SETD5: variants seen among roughly 807,000 people sequenced by gnomAD.
SETD5 encodes the protein SET domain containing 5, also known as histone-lysine N-methyltransferase SETD5.
SETD5 carries 44 observed loss-of-function variants against 153.3 expected under a neutral mutation model. The ratio of observed to expected loss-of-function variants is 0.29; its 90% CI spans 0.23 to 0.37. SETD5 has a LOEUF of 0.37. SETD5 is among the 10% of genes least tolerant of loss of function. SETD5 has a pLI of 1.00. For synonymous variants in SETD5, 716 were observed against 645.2 expected (o/e 1.11, Z -1.66); for missense variants, 1,544 against 1,768.0 (o/e 0.87, Z 2.27).
intron 1 of SETD5, among the ~76,000 whole-genome samples, chr3:9,421,649 A>T (rs1049924018): frequency 2.0e-5 from 3 of 152,232 alleles, no homozygotes; most frequent in African/African-American, 7.2e-5. Flanking sequence ...GAAGAAATTC[A>T]GCCTATATGT....
chr3:9,475,918 T>G lies in SETD5; in HGVS notation c.4156T>G (p.Leu1386Val). 6.2e-7 allele frequency: 1 copy of G among 1,614,034 alleles called. No homozygotes were observed. Among genetic ancestry groups the G allele is most frequent in the Non-Finnish European group, 8.5e-7 (1 of 1,179,900 alleles). Residue 1386 changes from leucine to valine, a missense_variant, in exon 23 of 23, where the codon TTA (leucine) becomes GTA (valine). Physicochemically the swap from Leu to Val is conservative, Grantham distance 32. Transcript: ENST00000402198. ...QNSRSSLPSDLRTISLPSAGQ... is the reference protein window; with the variant it reads ...QNSRSSLPSDVRTISLPSAGQ... ...CTCTAGGTCGTCATTGCCATCAGAC[T>G]TACGGACTATCAGTCTGCCCAGTGC...
At chr3:9,468,364 C>T (rs1170323059) in intron 18 of SETD5, among the ~76,000 whole-genome samples, 1 of 152,140 alleles carries the variant, frequency 6.6e-6, no homozygotes, top group East Asian at 1.9e-4. Context: ...GAGATGAGTT[C>T]TGCAGTTAAA....
chr3:9,442,051 T>C, intron 9 of SETD5, 77 bp from the exon 10 acceptor site: 2 of 963,542 alleles, frequency 2.1e-6, no homozygotes. Flanking sequence ...TCTCTCAGCA[T>C]ATGCTTCATA....
intron 3 of SETD5, chr3:9,433,580 AT>A: frequency 7.7e-7 from 1 of 1,292,058 alleles, no homozygotes; most frequent in Non-Finnish European, 1.0e-6. Context: ...TGTGTTTGTC[AT>A]TAGGGACACC....
chr3:9,470,083 T>C (rs961434457), intron 18 of SETD5, among the ~76,000 whole-genome samples: 2 of 152,206 alleles, frequency 1.3e-5, no homozygotes, highest in Non-Finnish European at 1.5e-5. Context: ...CTCATCTTTG[T>C]TTTGTGCATG....
intron 13 of SETD5, among the ~76,000 whole-genome samples, chr3:9,445,971 T>TG (rs977730786): frequency 6.9e-6 from 1 of 145,974 alleles, no homozygotes; most frequent in Non-Finnish European, 1.5e-5. Context: ...GGTTGTTTTT[T>TG]TTTTTTTTTT....
At chr3:9,418,774 G>A (rs374093434) in intron 1 of SETD5, among the ~76,000 whole-genome samples, 4 of 150,978 alleles carry the variant, frequency 2.6e-5, no homozygotes, top group Admixed American at 2.0e-4. Context: ...TTGCACTCCA[G>A]CCTGAGCAAC....
rs770420799 is a variant in SETD5 at position 9,434,922 on chromosome 3, A to G, written c.388+40A>G. On this transcript the variant is annotated intron_variant, in intron 6 of 22. Transcript: ENST00000402198. The surrounding 1 kb of genome is among the most constrained non-coding windows in gnomAD (Gnocchi z 5.6). ...GGTTAGGTCCACAATTTGACATAAAAATATTCTGTGATCTGAATGTTCATT... is the reference window on the plus strand; with the variant it reads ...GGTTAGGTCCACAATTTGACATAAAGATATTCTGTGATCTGAATGTTCATT... 3 of 1,599,822 alleles carry G rather than the reference A, an allele frequency of 1.9e-6. No homozygotes were observed. In the East Asian group the frequency reaches 6.7e-5, roughly 36 times the overall value.
intron 3 of SETD5, among the ~76,000 whole-genome samples, chr3:9,433,056 T>C (rs2125083315): frequency 6.6e-6 from 1 of 152,328 alleles, no homozygotes; most frequent in East Asian, 1.9e-4. Context: ...GTATATACCA[T>C]GTTTAGTGGT....
At chr3:9,425,819 T>A (rs1196304521) in intron 2 of SETD5, among the ~76,000 whole-genome samples, 1 of 152,180 alleles carries the variant, frequency 6.6e-6, no homozygotes, top group Non-Finnish European at 1.5e-5. Context: ...TCGTAATGGC[T>A]ACAACAAAGG....
At chr3:9,443,987 G>A (rs553972450) in intron 11 of SETD5, among the ~76,000 whole-genome samples, 22 of 152,300 alleles carry the variant, frequency 1.4e-4, no homozygotes, top group Non-Finnish European at 2.4e-4. Context: ...ACTCGAACCT[G>A]AGAGGCTGAG....
chr3:9,463,117 T>C (rs1031216952), intron 17 of SETD5, among the ~76,000 whole-genome samples: 4 of 152,202 alleles, frequency 2.6e-5, no homozygotes, highest in African/African-American at 9.6e-5. Context: ...CCTCCTGGGT[T>C]CAAGTGATTC....
intron 2 of SETD5, among the ~76,000 whole-genome samples, chr3:9,427,056 T>G (rs2039360228): frequency 6.6e-6 from 1 of 152,106 alleles, no homozygotes; most frequent in Non-Finnish European, 1.5e-5. Context: ...TGATATTTTT[T>G]TACTATTTTT....
At chr3:9,419,233 A>C (rs112072713) in intron 1 of SETD5, among the ~76,000 whole-genome samples, 21 of 152,342 alleles carry the variant, frequency 1.4e-4, no homozygotes, top group African/African-American at 4.8e-4. Context: ...ACTTTGGATA[A>C]AATAAACCTC....
chr3:9,408,635 A>G (rs2036090986), intron 1 of SETD5, among the ~76,000 whole-genome samples: 1 of 152,186 alleles, frequency 6.6e-6, no homozygotes, highest in Admixed American at 6.5e-5. Context: ...CCTGTATTTC[A>G]TGTAAATTAC....
At chr3:9,433,735 TA>T in intron 3 of SETD5, 109 bp from the exon 4 acceptor site, 1 of 1,111,624 alleles carries the variant, frequency 9.0e-7, no homozygotes, top group Non-Finnish European at 1.3e-6. Flanking sequence ...TCTCTTATCC[TA>T]GTGGCTAGTG....
At chr3:9,398,493 C>G (rs1179065339) in intron 1 of SETD5, 3 of 152,356 alleles carry the variant, frequency 2.0e-5, no homozygotes, top group African/African-American at 7.2e-5. Context: ...GGCTTCCCAC[C>G]TCAGATGGCT....
In SETD5 at chr3:9,475,477, GT is replaced by G; in HGVS notation, c.3721-5del. The G allele has an allele frequency of 6.2e-7, 1 of 1,602,222 alleles. No homozygotes were observed. The highest frequency in any genetic ancestry group is 8.5e-7 in the Non-Finnish European group (1 of 1,171,058). On this transcript the variant is annotated splice_polypyrimidine_tract_variant and splice_region_variant and intron_variant, in intron 22 of 22. Transcript: ENST00000402198. ...TCCTTATTCGTTTCCTCCCAACTTT[GT>G]CTAGCTCCTGCAGTGTGATAGTCCT...
At chr3:9,452,970 T>G (rs2042801809) in intron 16 of SETD5, among the ~76,000 whole-genome samples, 1 of 152,162 alleles carries the variant, frequency 6.6e-6, no homozygotes, top group Admixed American at 6.5e-5. Flanking sequence ...TTTTCTGTCT[T>G]CCACAGGATA....
Sources: allele counts gnomAD v4.1 joint callset (sites outside exome capture counted in the v4.1 genomes callset), GRCh38; gene constraint gnomAD v4.1.1; non-coding constraint Gnocchi (gnomAD v3.1); transcripts MANE v1.5; gene names NCBI Gene and HGNC (gene_info 2026-07-23, HGNC 2026-07-21).